The following ADGRB3 variants were observed in gnomAD, a reference collection of about 807,000 sequenced individuals.
ADGRB3 encodes the protein brain-specific angiogenesis inhibitor 3.
In ADGRB3, 37 loss-of-function variants were observed where a neutral mutation model predicts 193.4. That is an observed-to-expected ratio of 0.19 (90% CI 0.15 to 0.25). ADGRB3 has a LOEUF of 0.25. ADGRB3 is among the 10% of genes least tolerant of loss of function. The pLI, the probability that ADGRB3 is intolerant of heterozygous loss-of-function variation, is 1.00. For missense variants in ADGRB3, 1,637 were observed against 1,852.9 expected, an observed-to-expected ratio of 0.88 and a Z score of 2.14; for synonymous variants, 690 against 644.2, an observed-to-expected ratio of 1.07 and a Z score of -1.08.
At chr6:68,954,841 C>T (rs756874500) in intron 6 of ADGRB3, among the ~76,000 whole-genome samples, 10 of 151,982 alleles carry the variant, frequency 6.6e-5, no homozygotes, top group South Asian at 2.1e-4. Flanking sequence ...CCACCATACC[C>T]GGCTAATTTT....
At chr6:68,892,695 AT>A (rs1311206149) in intron 3 of ADGRB3, among the ~76,000 whole-genome samples, 3 of 152,160 alleles carry the variant, frequency 2.0e-5, no homozygotes, top group Non-Finnish European at 4.4e-5. Context: ...ACCAATACGA[AT>A]ATGTAACTAC....
chr6:69,232,940 C>T lies in ADGRB3; in HGVS notation c.2481-350C>T, dbSNP rs1766175791. The T allele has an allele frequency of 2.2e-5, 10 of 457,720 alleles. No individual in the cohort carries two copies. In the South Asian group the frequency reaches 3.0e-4, roughly 14 times the overall value. 28.4% of individuals were successfully genotyped at this position (457,720 alleles called of 1,614,324 possible). On this transcript the variant is annotated intron_variant, in intron 17 of 31. Coordinates refer to ENST00000370598, the MANE Select transcript of ADGRB3 (RefSeq NM_001704.3). ...TTACACCCTGAGTATTTGAAACAAT[C>T]CGATGAGCATAGGAAGTGGCTGCCA... is the stretch of plus-strand genomic sequence containing the variant.
chr6:69,242,848 C>T (rs772092428), intron 20 of ADGRB3, among the ~76,000 whole-genome samples: 2 of 151,842 alleles, frequency 1.3e-5, no homozygotes, highest in African/African-American at 4.8e-5. Flanking sequence ...TTGTATTGCT[C>T]AAATGTTATT....
intron 3 of ADGRB3, among the ~76,000 whole-genome samples, chr6:68,873,386 T>G (rs1765511391): frequency 6.6e-6 from 1 of 152,132 alleles, no homozygotes. Context: ...TTTCATGTAT[T>G]TTTCTCCCTG....
intron 3 of ADGRB3, among the ~76,000 whole-genome samples, chr6:68,699,535 T>A (rs927179431): frequency 6.6e-6 from 1 of 151,952 alleles, no homozygotes; most frequent in Non-Finnish European, 1.5e-5. Flanking sequence ...TGGTACTTGA[T>A]TGATTACATT....
At chr6:69,134,228 C>T (rs1774089372) in intron 17 of ADGRB3, among the ~76,000 whole-genome samples, 2 of 152,056 alleles carry the variant, frequency 1.3e-5, no homozygotes, top group Non-Finnish European at 2.9e-5. Flanking sequence ...ATTCTTCCTC[C>T]CTTTTTAGTC....
chr6:69,347,199 G>T (rs1372925574), intron 26 of ADGRB3, among the ~76,000 whole-genome samples: 2 of 152,084 alleles, frequency 1.3e-5, no homozygotes, highest in East Asian at 1.9e-4. Context: ...ACACACCAGG[G>T]CCTGTCGGGA....
chr6:68,867,888 C>T (rs1401663511), intron 3 of ADGRB3, among the ~76,000 whole-genome samples: 4 of 152,174 alleles, frequency 2.6e-5, no homozygotes, highest in East Asian at 1.9e-4. Flanking sequence ...ATTTACCCAG[C>T]GCCTGTACTC....
chr6:69,027,481 G>A (rs552121741), intron 13 of ADGRB3, among the ~76,000 whole-genome samples: 5 of 152,240 alleles, frequency 3.3e-5, no homozygotes, highest in Admixed American at 2.0e-4. Flanking sequence ...ATGGTAAAAT[G>A]TACAGTATAG....
chr6:69,155,564 A>T (rs1774811290), intron 17 of ADGRB3, among the ~76,000 whole-genome samples: 1 of 152,234 alleles, frequency 6.6e-6, no homozygotes, highest in Non-Finnish European at 1.5e-5. Context: ...ATAAAGGATT[A>T]CTAGATGCAG....
intron 3 of ADGRB3, among the ~76,000 whole-genome samples, chr6:68,704,341 GC>G (rs1715323851): frequency 6.6e-6 from 1 of 152,184 alleles, no homozygotes; most frequent in Non-Finnish European, 1.5e-5. Context: ...TCTCAAGTGA[GC>G]TTTCAAGAGT....
At chr6:68,929,553 C>T (rs1767278647) in intron 3 of ADGRB3, among the ~76,000 whole-genome samples, 1 of 152,114 alleles carries the variant, frequency 6.6e-6, no homozygotes, top group Admixed American at 6.6e-5. Flanking sequence ...GAGACCTGGA[C>T]TTAAGGGCCT....
At chr6:69,140,566 G>T (rs567754635) in intron 17 of ADGRB3, among the ~76,000 whole-genome samples, 7 of 152,170 alleles carry the variant, frequency 4.6e-5, no homozygotes, top group African/African-American at 1.4e-4. Context: ...TGGATAGAAT[G>T]AATAAGATCT....
chr6:69,254,494 T>C (rs1766705614), intron 20 of ADGRB3, among the ~76,000 whole-genome samples: 1 of 152,250 alleles, frequency 6.6e-6, no homozygotes, highest in African/African-American at 2.4e-5. Flanking sequence ...TGAGGCTGTT[T>C]CAGCGATATG....
At chr6:69,225,337 C>T (rs2127252519) in intron 17 of ADGRB3, among the ~76,000 whole-genome samples, 1 of 152,282 alleles carries the variant, frequency 6.6e-6, no homozygotes, top group Non-Finnish European at 1.5e-5. Flanking sequence ...TTTGATCAAT[C>T]ACTTTTTAGT....
At chr6:68,719,312 G>T (rs1468951407) in intron 3 of ADGRB3, among the ~76,000 whole-genome samples, 1 of 151,626 alleles carries the variant, frequency 6.6e-6, no homozygotes, top group Admixed American at 6.6e-5. Context: ...ATATGGCTAT[G>T]GAACATTTTA....
At chr6:68,644,487 G>A (rs1011336471) in intron 3 of ADGRB3, among the ~76,000 whole-genome samples, 1 of 151,770 alleles carries the variant, frequency 6.6e-6, no homozygotes, top group East Asian at 1.9e-4. Flanking sequence ...TCTGGCCCTA[G>A]CATTACTTGT....
In ADGRB3 at chr6:68,768,818, C is replaced by G. The variant is rs373528814; in HGVS notation, c.757+129386C>G. Among the ~76,000 whole-genome samples the G allele has an allele frequency of 4.0e-5, 6 of 151,544 alleles. No individual in the cohort carries two copies. In the East Asian group the frequency reaches 1.2e-3, roughly 29 times the overall value. On this transcript the variant is annotated intron_variant, in intron 3 of 31. Coordinates refer to ENST00000370598, the MANE Select transcript of ADGRB3 (RefSeq NM_001704.3). ...CTGACAAAGGGCTAATGTCCAGAAT[C>G]TACAAGGAACTTAAACAAATTTACA...
At chr6:69,089,957 T>A (rs893826375) in intron 17 of ADGRB3, among the ~76,000 whole-genome samples, 4 of 152,224 alleles carry the variant, frequency 2.6e-5, no homozygotes, top group African/African-American at 9.6e-5. Context: ...TGTTGAAAAT[T>A]CAAATTTTTG....
Sources: allele counts gnomAD v4.1 joint callset (sites outside exome capture counted in the v4.1 genomes callset), GRCh38; gene constraint gnomAD v4.1.1; transcripts MANE v1.5; gene names NCBI Gene and HGNC (gene_info 2026-07-23, HGNC 2026-07-21).